ZNG1B: variants seen among roughly 807,000 people sequenced by gnomAD.
ZNG1B encodes zinc-regulated GTPase metalloprotein activator 1B.
the ZNG1B span, among the ~76,000 whole-genome samples, chr2:113,448,003 TC>T: frequency 1.6e-4 from 24 of 152,368 alleles, no homozygotes; most frequent in African/African-American, 5.5e-4. Context: ...TACTTTGATC[TC>T]CCATGAATCA....
At chr2:113,474,686 G>A in the ZNG1B span, among the ~76,000 whole-genome samples, 2 of 148,154 alleles carry the variant, frequency 1.3e-5, no homozygotes, top group Non-Finnish European at 3.0e-5. Flanking sequence ...CTGGTATGTT[G>A]TGTCTTTGTT....
chr2:113,455,625 A>G, the ZNG1B span: 1 of 1,287,074 alleles, frequency 7.8e-7, no homozygotes, highest in Non-Finnish European at 1.0e-6. Context: ...ATCTGAGCAT[A>G]TGGATAGGGC....
the ZNG1B span, chr2:113,445,139 G>A: frequency 2.0e-6 from 3 of 1,493,370 alleles, no homozygotes; most frequent in African/African-American, 2.8e-5. Context: ...CTAACATGAG[G>A]ATTAAAGCTT....
chr2:113,456,326 G>C, the ZNG1B span, among the ~76,000 whole-genome samples: 7 of 151,948 alleles, frequency 4.6e-5, no homozygotes, highest in Admixed American at 4.6e-4. Flanking sequence ...AATGCTTATG[G>C]AGGTAGCAAA....
the ZNG1B span, among the ~76,000 whole-genome samples, chr2:113,463,177 T>C: frequency 6.6e-6 from 1 of 152,152 alleles, no homozygotes; most frequent in Admixed American, 6.5e-5. Flanking sequence ...AGACTCCCAT[T>C]CCTTTTGAAA....
At chr2:113,473,056 AATC>A in the ZNG1B span, among the ~76,000 whole-genome samples, 1 of 150,220 alleles carries the variant, frequency 6.7e-6, no homozygotes, top group Admixed American at 6.7e-5. Flanking sequence ...GATGGCATTG[AATC>A]TGTAAATTAC....
the ZNG1B span, among the ~76,000 whole-genome samples, chr2:113,477,053 G>C: frequency 6.6e-6 from 1 of 152,210 alleles, no homozygotes; most frequent in African/African-American, 2.4e-5. Flanking sequence ...CACCCAGTTG[G>C]AGCTTCCTGG....
chr2:113,439,765 C>G, the ZNG1B span, among the ~76,000 whole-genome samples: 2 of 151,974 alleles, frequency 1.3e-5, no homozygotes. Context: ...GGCTAGATGT[C>G]CCTCTTAGGT....
the ZNG1B span, among the ~76,000 whole-genome samples, chr2:113,445,844 T>C: frequency 0.053 from 7,913 of 150,554 alleles, 748 homozygotes; most frequent in African/African-American, 0.18. Context: ...GGGCGATTTG[T>C]AAAACTATAT....
the ZNG1B span, among the ~76,000 whole-genome samples, chr2:113,463,945 C>T: frequency 6.6e-6 from 1 of 152,208 alleles, no homozygotes; most frequent in Admixed American, 6.5e-5. Context: ...ACACTGGTCT[C>T]CTAATCTTGT....
At chr2:113,485,120 G>A in the ZNG1B span, among the ~76,000 whole-genome samples, 1 of 144,854 alleles carries the variant, frequency 6.9e-6, no homozygotes, top group Non-Finnish European at 1.5e-5. Flanking sequence ...AGGGGTAAGT[G>A]CTATTCTGAC....
the ZNG1B span, among the ~76,000 whole-genome samples, chr2:113,483,744 A>G: frequency 1.3e-5 from 2 of 151,776 alleles, no homozygotes; most frequent in African/African-American, 2.4e-5. Flanking sequence ...TAAAAAAAAC[A>G]AATGTATTTT....
At chr2:113,473,659 C>T in the ZNG1B span, among the ~76,000 whole-genome samples, 3 of 148,404 alleles carry the variant, frequency 2.0e-5, no homozygotes, top group Non-Finnish European at 4.5e-5. Flanking sequence ...GAAATACGTC[C>T]CATCAATACC....
the ZNG1B span, among the ~76,000 whole-genome samples, chr2:113,477,375 G>T: frequency 2.6e-5 from 4 of 152,078 alleles, no homozygotes; most frequent in African/African-American, 9.7e-5. Context: ...CCCTGCTTCG[G>T]CTCGCGGATG....
chr2:113,437,894 A>T, the ZNG1B span: 108 of 1,611,886 alleles, frequency 6.7e-5, no homozygotes, highest in Middle Eastern at 1.4e-3. Flanking sequence ...GGATCTGCGG[A>T]TGAGGAGGAG....
chr2:113,455,351 ACT>A, the ZNG1B span, among the ~76,000 whole-genome samples: 2 of 151,592 alleles, frequency 1.3e-5, no homozygotes, highest in African/African-American at 4.9e-5. Flanking sequence ...TAGTAAGAAG[ACT>A]CTCTCCATTA....
the ZNG1B span, among the ~76,000 whole-genome samples, chr2:113,477,838 C>G: frequency 1.3e-5 from 2 of 151,946 alleles, no homozygotes; most frequent in East Asian, 3.9e-4. Flanking sequence ...GTCTTCATAG[C>G]CCCTGGCATC....
chr2:113,474,979 G>A, the ZNG1B span, among the ~76,000 whole-genome samples: 5 of 147,552 alleles, frequency 3.4e-5, no homozygotes, highest in Non-Finnish European at 6.0e-5. Context: ...ATTTGGGGTG[G>A]AGAGTTCTGT....
chr2:113,479,672 G>A, the ZNG1B span, among the ~76,000 whole-genome samples: 8 of 152,206 alleles, frequency 5.3e-5, no homozygotes, highest in African/African-American at 1.9e-4. Context: ...AGTTAGCCAT[G>A]ATCCCTTTCA....
Sources: gnomAD v4.1 joint callset for allele counts (sites outside exome capture counted in the v4.1 genomes callset) on GRCh38, gnomAD v4.1.1 for gene constraint, MANE v1.5 for transcripts, NCBI Gene and HGNC (gene_info 2026-07-23, HGNC 2026-07-21) for gene names.